Variants in MTCL2 observed in about 807,000 individuals in gnomAD.
MTCL2 encodes the protein microtubule crosslinking factor 2.
At chr20:36,839,374 T>C in the MTCL2 span, 2 of 1,613,380 alleles carry the variant, frequency 1.2e-6, no homozygotes, top group South Asian at 1.1e-5. The surrounding 1 kb of genome is among the most constrained non-coding windows in gnomAD (Gnocchi z 5.1). Flanking sequence ...CTGCAGCTGA[T>C]ACACGTCCTC....
chr20:36,831,625 C>T, the MTCL2 span, among the ~76,000 whole-genome samples: 1 of 152,178 alleles, frequency 6.6e-6, no homozygotes, highest in Non-Finnish European at 1.5e-5. Context: ...ATGGCCTCTC[C>T]CTCCCTGCAC....
chr20:36,805,962 T>G, the MTCL2 span: 1 of 1,597,682 alleles, frequency 6.3e-7, no homozygotes, highest in Non-Finnish European at 8.5e-7. Flanking sequence ...GTTCACCTGT[T>G]TTTTAAAAAC....
chr20:36,863,256 C>T, the MTCL2 span: 1 of 1,195,536 alleles, frequency 8.4e-7, no homozygotes, highest in Non-Finnish European at 1.0e-6. The surrounding 1 kb of genome is among the most constrained non-coding windows in gnomAD (Gnocchi z 6.2). Flanking sequence ...CGCGCGGTGG[C>T]TCTTTTTCCT....
the MTCL2 span, chr20:36,809,880 G>T: frequency 7.0e-7 from 1 of 1,425,230 alleles, no homozygotes; most frequent in Non-Finnish European, 9.5e-7. Flanking sequence ...AGCCTCCCCT[G>T]ACTTTCTTGA....
the MTCL2 span, chr20:36,815,460 G>A: frequency 4.4e-6 from 7 of 1,606,038 alleles, no homozygotes; most frequent in Non-Finnish European, 5.9e-6. This position sits in a 1 kb window ranked among gnomAD's most constrained non-coding sequence, Gnocchi z 5.3. Flanking sequence ...ACTGACCAGG[G>A]CGGCCTGCTC....
the MTCL2 span, among the ~76,000 whole-genome samples, chr20:36,846,075 T>C: frequency 6.6e-6 from 1 of 152,054 alleles, no homozygotes; most frequent in Non-Finnish European, 1.5e-5. Context: ...CTGTGGTGGC[T>C]CACGACTGTA....
At chr20:36,854,781 T>C in the MTCL2 span, among the ~76,000 whole-genome samples, 1 of 152,160 alleles carries the variant, frequency 6.6e-6, no homozygotes, top group Admixed American at 6.5e-5. Context: ...TCCTTGTGGC[T>C]CAGGCAGTGA....
the MTCL2 span, among the ~76,000 whole-genome samples, chr20:36,819,688 G>A: frequency 3.3e-5 from 5 of 152,062 alleles, no homozygotes; most frequent in Non-Finnish European, 7.3e-5. Flanking sequence ...ATGCTTTCAG[G>A]TGATTCTGAA....
the MTCL2 span, chr20:36,782,943 G>C: frequency 1.3e-5 from 2 of 151,954 alleles, no homozygotes; most frequent in Non-Finnish European, 2.9e-5. Context: ...AGCTTGGGGG[G>C]TCTGGTGAGG....
the MTCL2 span, among the ~76,000 whole-genome samples, chr20:36,801,479 G>A: frequency 6.6e-6 from 1 of 151,922 alleles, no homozygotes; most frequent in African/African-American, 2.4e-5. Context: ...GGGAGGCTGA[G>A]GTAGGAGGAT....
chr20:36,806,030 T>C, the MTCL2 span: 2 of 1,325,828 alleles, frequency 1.5e-6, no homozygotes, highest in South Asian at 2.9e-5. Context: ...TTGGGCACCA[T>C]GTAGGTCGAG....
the MTCL2 span, chr20:36,810,009 G>A: frequency 6.2e-6 from 10 of 1,601,666 alleles, no homozygotes; most frequent in Non-Finnish European, 8.5e-6. Flanking sequence ...TGAAATTGTC[G>A]GCCTCCTCCT....
At chr20:36,804,319 C>T in the MTCL2 span, among the ~76,000 whole-genome samples, 1 of 152,194 alleles carries the variant, frequency 6.6e-6, no homozygotes, top group Non-Finnish European at 1.5e-5. Context: ...ACCAAACCCC[C>T]AGGGCTCCTG....
the MTCL2 span, chr20:36,784,924 T>C: frequency 2.0e-6 from 2 of 985,458 alleles, no homozygotes; most frequent in Non-Finnish European, 2.4e-6. Flanking sequence ...AGTTCTCATT[T>C]GGGAAACTTG....
the MTCL2 span, among the ~76,000 whole-genome samples, chr20:36,822,323 G>A: frequency 2.0e-5 from 3 of 152,260 alleles, no homozygotes; most frequent in Admixed American, 1.3e-4. Flanking sequence ...AAGGCAGGGC[G>A]GTGCCTAGGC....
the MTCL2 span, among the ~76,000 whole-genome samples, chr20:36,856,815 C>G: frequency 5.3e-5 from 8 of 152,222 alleles, no homozygotes; most frequent in Non-Finnish European, 7.3e-5. Flanking sequence ...TTTCCTGTTT[C>G]TGTGTGTGGA....
chr20:36,791,936 T>C, the MTCL2 span, among the ~76,000 whole-genome samples: 2 of 149,868 alleles, frequency 1.3e-5, no homozygotes, highest in Non-Finnish European at 2.9e-5. Flanking sequence ...CTTATGCACA[T>C]TCTAACACAT....
At chr20:36,863,105 C>A in the MTCL2 span, 3 of 1,399,482 alleles carry the variant, frequency 2.1e-6, no homozygotes, top group Non-Finnish European at 1.9e-6. This position sits in a 1 kb window ranked among gnomAD's most constrained non-coding sequence, Gnocchi z 6.2. Flanking sequence ...CACCGCGCGC[C>A]CCGGGAGCCA....
the MTCL2 span, chr20:36,810,162 G>A: frequency 1.3e-6 from 2 of 1,532,080 alleles, no homozygotes; most frequent in Middle Eastern, 1.7e-4. Flanking sequence ...GGAAGAAGTG[G>A]ATAGAAATTG....
Sources: gnomAD v4.1 joint callset for allele counts (sites outside exome capture counted in the v4.1 genomes callset) on GRCh38, gnomAD v4.1.1 for gene constraint, Gnocchi (gnomAD v3.1) non-coding constraint, MANE v1.5 for transcripts, NCBI Gene and HGNC (gene_info 2026-07-23, HGNC 2026-07-21) for gene names.